Variants in PPP2R2C observed in about 807,000 individuals in gnomAD.
The protein encoded by PPP2R2C is protein phosphatase 2, regulatory subunit B, gamma.
PPP2R2C carries 10 observed loss-of-function variants against 45.3 expected under a neutral mutation model. The observed-to-expected ratio is 0.22, with a 90% CI of 0.14 to 0.37. The LOEUF is 0.37. PPP2R2C is among the 10% of genes least tolerant of loss of function. The probability of loss-of-function intolerance (pLI) is 1.00; values close to 1 mark genes in which losing one functional copy is unlikely to be tolerated. For missense variants in PPP2R2C, 308 were observed against 619.7 expected (o/e 0.50, Z 5.34); for synonymous variants, 257 against 245.4 (o/e 1.05, Z -0.44).
intron 6 of PPP2R2C, among the ~76,000 whole-genome samples, chr4:6,342,545 A>G (rs1346041186): frequency 6.6e-6 from 1 of 152,242 alleles, no homozygotes; most frequent in Non-Finnish European, 1.5e-5. Context: ...TTGGGGGCCT[A>G]TGAAGGGTCT....
chr4:6,429,920 A>G (rs1487520716), intron 1 of PPP2R2C, among the ~76,000 whole-genome samples: 1 of 152,088 alleles, frequency 6.6e-6, no homozygotes, highest in African/African-American at 2.4e-5. Context: ...CTATTGAAAG[A>G]TGACCTGCTT....
intron 5 of PPP2R2C, among the ~76,000 whole-genome samples, chr4:6,357,504 G>C (rs1027364556): frequency 9.2e-5 from 14 of 152,340 alleles, no homozygotes; most frequent in African/African-American, 3.1e-4. Context: ...CTAAACAAAG[G>C]ATGGCTATGT....
rs1162576821 is a variant in PPP2R2C, at chr4:6,324,755, C to A, written c.1053-1162G>T. Among the ~76,000 whole-genome samples the A allele has an allele frequency of 6.6e-6, 1 of 152,162 alleles. No individual in the cohort carries two copies. Among genetic ancestry groups the A allele is most frequent in the Non-Finnish European group, 1.5e-5 (1 of 68,028 alleles). ...GCTCCTAAGGAGAAGGGGTTCCTGC[C>A]GGTGGGAGGAAGGGTAAGTTCATCC... is the stretch of plus-strand genomic sequence containing the variant. On this transcript the variant is annotated intron_variant, in intron 8 of 8. Coordinates refer to ENST00000382599, the MANE Select transcript of PPP2R2C (RefSeq NM_020416.4). The surrounding 1 kb of genome is among the most constrained non-coding windows in gnomAD (Gnocchi z 4.1).
intron 1 of PPP2R2C, among the ~76,000 whole-genome samples, chr4:6,411,941 T>C (rs1231129594): frequency 1.3e-5 from 2 of 152,124 alleles, no homozygotes; most frequent in African/African-American, 4.8e-5. Context: ...ATCTGGGAAA[T>C]GGTAGTAATT....
intron 2 of PPP2R2C, among the ~76,000 whole-genome samples, chr4:6,480,527 C>A (rs754420596): frequency 3.3e-5 from 5 of 152,184 alleles, no homozygotes; most frequent in African/African-American, 4.8e-5. Context: ...ACGAGCATAC[C>A]ATTAATGTAT....
chr4:6,360,412 A>G (rs1312444758), intron 5 of PPP2R2C, among the ~76,000 whole-genome samples: 1 of 152,132 alleles, frequency 6.6e-6, no homozygotes, highest in Admixed American at 6.5e-5. Flanking sequence ...ATCCATGAGA[A>G]AGAGGGCTGC....
chr4:6,337,534 G>C (rs956540626), intron 6 of PPP2R2C, among the ~76,000 whole-genome samples: 1 of 152,048 alleles, frequency 6.6e-6, no homozygotes, highest in Non-Finnish European at 1.5e-5. Flanking sequence ...GCTGACTTCC[G>C]GAGTGGCCTT....
At chr4:6,539,748 A>T (rs12512657) in intron 1 of PPP2R2C, among the ~76,000 whole-genome samples, 2 of 152,040 alleles carry the variant, frequency 1.3e-5, no homozygotes, top group East Asian at 1.9e-4. Context: ...CGGAAGCTGC[A>T]CTAGGCATTC....
rs145419140 is a variant in PPP2R2C, at chr4:6,403,642, C to A, written c.71-22548G>T. On this transcript the variant is annotated intron_variant, in intron 1 of 8. Coordinates refer to ENST00000382599, the MANE Select transcript of PPP2R2C (RefSeq NM_020416.4). ...ACCTGGGAGGACGAGGCAGGGGGAT[C>A]ATTTGAGGTCAGGAGTTCAAGACCA... 3.5e-3 allele frequency among the ~76,000 whole-genome samples: 530 copies of A among 152,180 alleles called. 7 individuals carry two copies. Among genetic ancestry groups the A allele is most frequent in the African/African-American group, 0.012 (505 of 41,534 alleles).
intron 5 of PPP2R2C, among the ~76,000 whole-genome samples, chr4:6,358,322 T>C (rs191922570): frequency 6.6e-4 from 100 of 152,264 alleles, no homozygotes; most frequent in African/African-American, 2.3e-3. Flanking sequence ...TTACACCTTA[T>C]ACAAAAATTA....
chr4:6,482,299 C>G lies in PPP2R2C; in HGVS notation c.49+52972G>C, dbSNP rs112558579. ...TGTGAGGTGAATATTATTATTATCT[C>G]CCTTGTACAAATGAGGAAACTGAGG... On this transcript the variant is annotated intron_variant, in intron 2 of 9. Coordinates refer to the PPP2R2C transcript ENST00000506140. 9.2e-3 allele frequency among the ~76,000 whole-genome samples: 1,402 copies of G among 152,286 alleles called. 29 individuals are homozygous for G. The highest frequency in any genetic ancestry group is 0.032 in the African/African-American group (1,343 of 41,554).
At chr4:6,467,783 T>G (rs1166390405) in intron 1 of PPP2R2C, among the ~76,000 whole-genome samples, 2 of 152,182 alleles carry the variant, frequency 1.3e-5, no homozygotes, top group Non-Finnish European at 2.9e-5. Context: ...AGAGGCGGCC[T>G]GGACATCAGG....
Position 6,323,329 on chromosome 4 carries a change from C to G in PPP2R2C, c.1317G>C (p.Gln439His). 1 of 1,608,998 alleles carries G rather than the reference C, an allele frequency of 6.2e-7. No individual in the cohort carries two copies. The highest frequency in any genetic ancestry group is 8.5e-7 in the Non-Finnish European group (1 of 1,175,832). Residue 439 changes from glutamine to histidine, a missense_variant, in exon 9 of 9, where the codon CAG (glutamine) becomes CAC (histidine). Physicochemically the swap from Gln to His is conservative, Grantham distance 24 (BLOSUM62 0). Coordinates refer to ENST00000382599, the MANE Select transcript of PPP2R2C (RefSeq NM_020416.4). ...AGTGCATGTCAGAGTTTACCTTGTC[C>G]TGGAAGATGTACAGGTTGTTGGTGG... ...IAATNNLYIF[Q>H]DKVNSDMH is the part of the protein sequence containing the mutation.
At chr4:6,434,546 A>G (rs531880749) in intron 1 of PPP2R2C, among the ~76,000 whole-genome samples, 107 of 151,796 alleles carry the variant, frequency 7.0e-4, no homozygotes, top group Non-Finnish European at 1.2e-3. Flanking sequence ...TTTAGTAGAG[A>G]TGGGGTTTCG....
chr4:6,347,146 T>C (rs1437684151), intron 6 of PPP2R2C, among the ~76,000 whole-genome samples: 1 of 152,128 alleles, frequency 6.6e-6, no homozygotes, highest in Admixed American at 6.5e-5. Flanking sequence ...CTTGGGCCAA[T>C]AACTGGAGCT....
intron 5 of PPP2R2C, among the ~76,000 whole-genome samples, chr4:6,352,382 C>A (rs895064271): frequency 6.6e-6 from 1 of 152,200 alleles, no homozygotes; most frequent in Non-Finnish European, 1.5e-5. Context: ...CTTCATGATA[C>A]CCGCCTAAAT....
chr4:6,505,785 G>A (rs1723206766), intron 2 of PPP2R2C, among the ~76,000 whole-genome samples: 1 of 152,088 alleles, frequency 6.6e-6, no homozygotes, highest in Non-Finnish European at 1.5e-5. Flanking sequence ...GGCCAACATG[G>A]TGAAACCTTG....
intron 1 of PPP2R2C, among the ~76,000 whole-genome samples, chr4:6,542,448 C>A (rs980954140): frequency 6.6e-5 from 10 of 152,318 alleles, no homozygotes; most frequent in Admixed American, 5.9e-4. Flanking sequence ...TATCCCAGCA[C>A]TGTGGGAGGC....
intron 2 of PPP2R2C, among the ~76,000 whole-genome samples, chr4:6,525,682 T>C (rs1257730450): frequency 6.6e-6 from 1 of 152,194 alleles, no homozygotes; most frequent in East Asian, 1.9e-4. Context: ...CCCTTTCTTT[T>C]TCAGTTTCAA....
Sources: allele counts gnomAD v4.1 joint callset (sites outside exome capture counted in the v4.1 genomes callset), GRCh38; gene constraint gnomAD v4.1.1; non-coding constraint Gnocchi (gnomAD v3.1); transcripts MANE v1.5; gene names NCBI Gene and HGNC (gene_info 2026-07-23, HGNC 2026-07-21).